NAV2: variants seen among roughly 807,000 people sequenced by gnomAD.
NAV2 encodes neuron navigator 2.
NAV2 carries 54 observed loss-of-function variants against 223.2 expected under a neutral mutation model. The observed-to-expected ratio is 0.24, with a 90% confidence interval of 0.19 to 0.30. NAV2 has a LOEUF of 0.30. Among genes scored for constraint, NAV2 ranks in the 10% least tolerant of loss-of-function variants. NAV2 has a pLI of 1.00. For missense variants in NAV2, 2,806 were observed against 3,147.5 expected (o/e 0.89, Z 2.60); for synonymous variants, 1,279 against 1,239.3 (o/e 1.03, Z -0.67).
chr11:19,952,819 A>G (rs1291715361), intron 10 of NAV2, among the ~76,000 whole-genome samples: 2 of 152,076 alleles, frequency 1.3e-5, no homozygotes, highest in African/African-American at 4.8e-5. Flanking sequence ...CCATATTACC[A>G]TGTAGTTTAG....
chr11:19,386,681 G>C (rs531375600), intron 1 of NAV2, among the ~76,000 whole-genome samples: 2 of 145,370 alleles, frequency 1.4e-5, no homozygotes, highest in Admixed American at 1.3e-4. Context: ...CTTTGACCTT[G>C]GTTTGGTAGA....
intron 12 of NAV2, among the ~76,000 whole-genome samples, chr11:20,037,321 T>C (rs1048440864): frequency 6.6e-6 from 1 of 151,694 alleles, no homozygotes; most frequent in South Asian, 2.1e-4. Flanking sequence ...TAGGAGCTGA[T>C]TTGGAAATCT....
chr11:19,920,532 C>G (rs1220237683), intron 6 of NAV2, among the ~76,000 whole-genome samples: 1 of 152,176 alleles, frequency 6.6e-6, no homozygotes, highest in East Asian at 1.9e-4. Context: ...CGTGACCTAC[C>G]CACCTTGGCC....
At chr11:19,702,218 G>A (rs1467878179) in intron 1 of NAV2, among the ~76,000 whole-genome samples, 2 of 152,244 alleles carry the variant, frequency 1.3e-5, no homozygotes, top group Non-Finnish European at 2.9e-5. Context: ...CTGGAAGGAA[G>A]GGAGAATAGA....
intron 6 of NAV2, among the ~76,000 whole-genome samples, chr11:19,903,634 T>C (rs1403525904): frequency 5.3e-5 from 8 of 150,516 alleles, no homozygotes; most frequent in Non-Finnish European, 1.2e-4. Context: ...TTACATAGCT[T>C]GGAAAAAGAA....
intron 1 of NAV2, among the ~76,000 whole-genome samples, chr11:19,807,902 C>G (rs1487923901): frequency 6.6e-6 from 1 of 152,204 alleles, no homozygotes. Flanking sequence ...TTGTCCTGTG[C>G]TTGCTTACTT....
At chr11:19,395,597 C>G (rs1849416827) in intron 1 of NAV2, among the ~76,000 whole-genome samples, 1 of 152,232 alleles carries the variant, frequency 6.6e-6, no homozygotes, top group Non-Finnish European at 1.5e-5. Context: ...CTTCCCACTA[C>G]TGTCCTCAGG....
At chr11:19,399,937 A>G (rs1849615513) in intron 1 of NAV2, among the ~76,000 whole-genome samples, 1 of 152,182 alleles carries the variant, frequency 6.6e-6, no homozygotes. Flanking sequence ...AGATTGTTGG[A>G]AGTGATGACG....
rs951454117 is a variant in NAV2 at position 19,714,097 on chromosome 11, C to T, written c.267+135C>T. 15 of 1,321,112 alleles carry T rather than the reference C, an allele frequency of 1.1e-5. No homozygotes were observed. In the African/African-American group the frequency reaches 2.2e-4, roughly 19 times the overall value. 81.8% of individuals were successfully genotyped at this position (1,321,112 alleles called of 1,614,324 possible). ...GGGAAGGGAACCATTCCCCTTAGGC[C>T]GGCAGGTTGGGGGATGCGCGAGGAG... is the stretch of plus-strand genomic sequence containing the variant. On this transcript the variant is annotated intron_variant, in intron 1 of 37. Coordinates refer to ENST00000349880, the MANE Select transcript of NAV2 (RefSeq NM_145117.5).
At chr11:19,455,976 A>G (rs1002997121) in intron 1 of NAV2, among the ~76,000 whole-genome samples, 1 of 152,172 alleles carries the variant, frequency 6.6e-6, no homozygotes, top group African/African-American at 2.4e-5. Flanking sequence ...GACCGTGCAT[A>G]TTCATGGTGG....
At chr11:19,986,400 A>C (rs954090017) in intron 11 of NAV2, among the ~76,000 whole-genome samples, 31 of 152,166 alleles carry the variant, frequency 2.0e-4, no homozygotes, top group Admixed American at 1.8e-3. Flanking sequence ...CGGGCAGATC[A>C]CCTGAGGTCA....
At chr11:19,684,210 C>G (rs902420664) in intron 1 of NAV2, among the ~76,000 whole-genome samples, 1 of 152,166 alleles carries the variant, frequency 6.6e-6, no homozygotes, top group Non-Finnish European at 1.5e-5. Context: ...TTCCTGAACT[C>G]AATTTAAATA....
At chr11:19,566,031 GATTTTATTTT>G (rs56221634) in intron 1 of NAV2, among the ~76,000 whole-genome samples, 267 of 138,586 alleles carry the variant, frequency 1.9e-3, no homozygotes, top group Middle Eastern at 7.1e-3. Flanking sequence ...TATCCAAGGA[GATTTTATTTT>G]ATTTTATTTT....
At chr11:19,940,952 C>T (rs1223884938) in intron 8 of NAV2, among the ~76,000 whole-genome samples, 1 of 152,160 alleles carries the variant, frequency 6.6e-6, no homozygotes, top group African/African-American at 2.4e-5. Context: ...GTGTGGAGTT[C>T]AGATGGCTGC....
chr11:19,816,503 C>T (rs1212634922), intron 1 of NAV2, among the ~76,000 whole-genome samples: 1 of 152,228 alleles, frequency 6.6e-6, no homozygotes, highest in African/African-American at 2.4e-5. Flanking sequence ...CAAGTGTGCT[C>T]ATAGGTGCTT....
intron 1 of NAV2, among the ~76,000 whole-genome samples, chr11:19,824,411 C>T (rs2059545906): frequency 6.6e-6 from 1 of 152,154 alleles, no homozygotes; most frequent in Non-Finnish European, 1.5e-5. Context: ...ATGGTCATTG[C>T]CCTAGAGGTT....
rs1031303612 is a variant in NAV2, at chr11:20,095,846, G to A, written c.6012+79G>A. ...CCTGGGGAGGAAAAGAGAGGTTGAT[G>A]TCCTGAGCTTGGCCATTTCTCAGAC... is the stretch of plus-strand genomic sequence containing the variant. On this transcript the variant is annotated intron_variant, in intron 30 of 37. Coordinates refer to ENST00000349880, the MANE Select transcript of NAV2 (RefSeq NM_145117.5). The A allele has an allele frequency of 7.6e-6, 8 of 1,051,198 alleles. No homozygotes were observed. The African/African-American group carries it at 1.1e-4, about 14-fold the overall frequency. The allele number at this position is 1,051,198 out of a possible 1,614,324, so 65.1% of individuals were successfully genotyped here.
intron 11 of NAV2, among the ~76,000 whole-genome samples, chr11:20,015,845 T>A (rs2153520785): frequency 6.6e-6 from 1 of 152,340 alleles, no homozygotes; most frequent in South Asian, 2.1e-4. Context: ...GCTGAAGGAC[T>A]GTGGGATAAC....
chr11:19,479,534 G>A (rs1291903449), intron 1 of NAV2, among the ~76,000 whole-genome samples: 1 of 152,170 alleles, frequency 6.6e-6, no homozygotes, highest in Non-Finnish European at 1.5e-5. Context: ...GCCAGGAGCT[G>A]TGACAGAGCT....
Sources: gnomAD v4.1 joint callset for allele counts (sites outside exome capture counted in the v4.1 genomes callset) on GRCh38, gnomAD v4.1.1 for gene constraint, MANE v1.5 for transcripts, NCBI Gene and HGNC (gene_info 2026-07-23, HGNC 2026-07-21) for gene names.